SRGAP2: variants seen among roughly 807,000 people sequenced by gnomAD.
SRGAP2 encodes the protein SLIT-ROBO Rho GTPase activating protein 2.
A neutral mutation model predicts 57.2 loss-of-function variants in SRGAP2; 15 were observed. That is an observed-to-expected ratio of 0.26 (90% CI 0.18 to 0.40). SRGAP2 has a LOEUF of 0.40. Among genes scored for constraint, SRGAP2 ranks in the 10% least tolerant of loss-of-function variants. The pLI, the probability that SRGAP2 is intolerant of heterozygous loss-of-function variation, is 1.00. For missense variants in SRGAP2, 520 were observed against 669.6 expected (o/e 0.78, Z 2.47); for synonymous variants, 249 against 248.0 (o/e 1.00, Z -0.04).
intron 2 of SRGAP2, among the ~76,000 whole-genome samples, chr1:206,213,604 A>G (rs1338117524): frequency 6.6e-6 from 1 of 151,678 alleles, no homozygotes; most frequent in African/African-American, 2.4e-5. Flanking sequence ...GGAGTGGACA[A>G]ATGACAGTGT....
At chr1:206,418,705 G>A (rs1553362982) in intron 11 of SRGAP2, among the ~76,000 whole-genome samples, 1 of 152,000 alleles carries the variant, frequency 6.6e-6, no homozygotes, top group East Asian at 1.9e-4. Context: ...AAACTCCTAA[G>A]GCCCACTGTT....
intron 3 of SRGAP2, among the ~76,000 whole-genome samples, chr1:206,325,103 T>G (rs1553329376): frequency 7.2e-6 from 1 of 138,252 alleles, no homozygotes; most frequent in South Asian, 2.5e-4. Flanking sequence ...GGATGGTAAC[T>G]GAAAGAAAAA....
chr1:206,208,528 T>G (rs1666102223), intron 2 of SRGAP2, among the ~76,000 whole-genome samples: 1 of 152,142 alleles, frequency 6.6e-6, no homozygotes, highest in African/African-American at 2.4e-5. Flanking sequence ...TATTGAGTGC[T>G]TGCTGTGTGT....
At chr1:206,441,800 C>T (rs780363231) in intron 17 of SRGAP2, among the ~76,000 whole-genome samples, 60 of 152,204 alleles carry the variant, frequency 3.9e-4, no homozygotes, top group Non-Finnish European at 7.1e-4. Context: ...ATGGGGCAGG[C>T]ACTCCCCAAT....
chr1:206,401,317 C>T, intron 7 of SRGAP2, 104 bp from the exon 8 acceptor site: 1 of 715,052 alleles, frequency 1.4e-6, no homozygotes. Flanking sequence ...TACTGCACAG[C>T]CAAGCCTATT....
intron 7 of SRGAP2, among the ~76,000 whole-genome samples, chr1:206,394,026 A>G (rs1405807295): frequency 7.4e-6 from 1 of 134,476 alleles, no homozygotes; most frequent in Admixed American, 7.7e-5. Context: ...TCTGCCAGGA[A>G]ATACTTTCTT....
At chr1:206,446,938 G>A (rs1553374104) in intron 18 of SRGAP2, among the ~76,000 whole-genome samples, 2 of 152,172 alleles carry the variant, frequency 1.3e-5, no homozygotes, top group African/African-American at 4.8e-5. Context: ...AGACCCCTCT[G>A]TTTGACAAAG....
intron 2 of SRGAP2, chr1:206,214,437 T>TG (rs1255503530): frequency 6.7e-6 from 1 of 149,748 alleles, no homozygotes; most frequent in Non-Finnish European, 1.5e-5. Flanking sequence ...CTGCAGCTGG[T>TG]GAATAATGGA....
At chr1:206,312,836 G>C (rs1173873994) in intron 3 of SRGAP2, among the ~76,000 whole-genome samples, 2 of 151,908 alleles carry the variant, frequency 1.3e-5, no homozygotes, top group Non-Finnish European at 2.9e-5. Flanking sequence ...ATTTTCTTTG[G>C]CTCCTTGAAG....
chr1:206,281,892 C>T (rs1321623128), intron 2 of SRGAP2, among the ~76,000 whole-genome samples: 2 of 140,452 alleles, frequency 1.4e-5, no homozygotes, highest in African/African-American at 3.0e-5. Flanking sequence ...CCAGCCTGGG[C>T]GACAGAGTGA....
intron 4 of SRGAP2, among the ~76,000 whole-genome samples, chr1:206,379,478 TG>T (rs1324080598): frequency 1.0e-4 from 1 of 10,000 alleles, no homozygotes; most frequent in African/African-American, 4.7e-4. Flanking sequence ...ACCTTATGTA[TG>T]GTGGTGCTTC....
At chr1:206,368,751 G>A (rs1182377284) in intron 4 of SRGAP2, among the ~76,000 whole-genome samples, 1 of 151,930 alleles carries the variant, frequency 6.6e-6, no homozygotes. Context: ...TAATAGACTT[G>A]TAGGGCTAGC....
intron 2 of SRGAP2, among the ~76,000 whole-genome samples, chr1:206,230,672 G>T (rs1667577552): frequency 6.8e-6 from 1 of 147,646 alleles, no homozygotes; most frequent in Non-Finnish European, 1.5e-5. Flanking sequence ...TGTCGCCCAG[G>T]CTGGAGTGCA....
At chr1:206,443,678 G>A (rs782462616) in intron 17 of SRGAP2, among the ~76,000 whole-genome samples, 3 of 152,028 alleles carry the variant, frequency 2.0e-5, no homozygotes, top group African/African-American at 4.8e-5. Flanking sequence ...ATTACACCGC[G>A]CCTGGCCTAG....
At chr1:206,440,277 C>G (rs1662155363) in intron 17 of SRGAP2, among the ~76,000 whole-genome samples, 196 bp downstream of exon 17, 1 of 152,006 alleles carries the variant, frequency 6.6e-6, no homozygotes, top group Non-Finnish European at 1.5e-5. Context: ...AGCTCCTGTT[C>G]CAGGGAAGGA....
chr1:206,450,245 C>A, intron 18 of SRGAP2, 141 bp from the exon 19 acceptor site: 1 of 590,512 alleles, frequency 1.7e-6, no homozygotes, highest in Non-Finnish European at 3.1e-6. Flanking sequence ...TCATTATAAG[C>A]ATTTGTCTAT....
At chr1:206,339,500 A>G (rs534327541) in intron 3 of SRGAP2, among the ~76,000 whole-genome samples, 1 of 152,070 alleles carries the variant, frequency 6.6e-6, no homozygotes, top group Admixed American at 6.5e-5. Flanking sequence ...TCCAGGGTTT[A>G]CATAAAACAA....
chr1:206,295,903 A>G (rs1160566097), intron 2 of SRGAP2, among the ~76,000 whole-genome samples: 6 of 151,570 alleles, frequency 4.0e-5, no homozygotes, highest in Non-Finnish European at 8.8e-5. Flanking sequence ...CTTTTATTTT[A>G]TTTATTTTAT....
rs1326429316 is a variant in SRGAP2, at chr1:206,386,796, CAAAAAAAAAAAAAAG to C, written c.486+2726_486+2740del. 3.3e-5 allele frequency among the ~76,000 whole-genome samples: 3 copies of C among 90,352 alleles called. No individual in the cohort carries two copies. The East Asian group carries it at 8.9e-4, about 27-fold the overall frequency. The allele number at this position is 90,352 out of a possible 152,430, so 59.3% of individuals were successfully genotyped here. ...CCTGGGCAACAGAGCGAGACTGTCT[CAAAAAAAAAAAAAAG>C]AAAAAGGAAAAAAAGAGAAAGTTCA... On this transcript the variant is annotated intron_variant, in intron 5 of 22. Coordinates refer to ENST00000573034, the MANE Select transcript of SRGAP2 (RefSeq NM_015326.5).
Sources: allele counts gnomAD v4.1 joint callset (sites outside exome capture counted in the v4.1 genomes callset), GRCh38; gene constraint gnomAD v4.1.1; transcripts MANE v1.5; gene names NCBI Gene and HGNC (gene_info 2026-07-23, HGNC 2026-07-21).